The following GRIN2B variants were observed in gnomAD, a reference collection of about 807,000 sequenced individuals.
The protein encoded by GRIN2B is glutamate receptor ionotropic, NMDA 2B.
A neutral mutation model predicts 114.5 loss-of-function variants in GRIN2B; 5 were observed. That is an observed-to-expected ratio of 0.04 (90% CI 0.02 to 0.09). The LOEUF is 0.09. Among genes scored for constraint, GRIN2B ranks in the 10% least tolerant of loss-of-function variants. The probability of loss-of-function intolerance (pLI) is 1.00; values close to 1 mark genes in which losing one functional copy is unlikely to be tolerated. For missense variants in GRIN2B, 1,108 were observed against 1,943.5 expected, an observed-to-expected ratio of 0.57 and a Z score of 8.08; for synonymous variants, 787 against 745.1, an observed-to-expected ratio of 1.06 and a Z score of -0.92.
rs146832133 is a variant in GRIN2B, at chr12:13,850,242, A to G, written c.411+15556T>C. 1.2e-4 allele frequency among the ~76,000 whole-genome samples: 19 copies of G among 152,314 alleles called. No individual in the cohort carries two copies. In the East Asian group the frequency reaches 3.3e-3, roughly 26 times the overall value. Reference sequence around the variant, plus strand: ...GGAAAGGATACTCTCTTCCTTGTCAACTTCTCATCTACTGAGATGGAATCC... The same window carrying G: ...GGAAAGGATACTCTCTTCCTTGTCAGCTTCTCATCTACTGAGATGGAATCC... On this transcript the variant is annotated intron_variant, in intron 3 of 13. Coordinates refer to ENST00000609686, the MANE Select transcript of GRIN2B (RefSeq NM_000834.5).
At chr12:13,845,504 T>C (rs1249573982) in intron 3 of GRIN2B, among the ~76,000 whole-genome samples, 2 of 152,144 alleles carry the variant, frequency 1.3e-5, no homozygotes, top group Non-Finnish European at 2.9e-5. Context: ...AGAGGACTGG[T>C]ATTTTGTTGA....
chr12:13,571,647 C>T (rs762666219), intron 11 of GRIN2B, among the ~76,000 whole-genome samples, 157 bp downstream of exon 11: 9 of 152,248 alleles, frequency 5.9e-5, no homozygotes, highest in South Asian at 2.1e-4. Flanking sequence ...CTAAATGATA[C>T]GATCAAATTT....
At chr12:13,576,069 C>G (rs1271026437) in intron 10 of GRIN2B, among the ~76,000 whole-genome samples, 1 of 152,154 alleles carries the variant, frequency 6.6e-6, no homozygotes, top group Non-Finnish European at 1.5e-5. Flanking sequence ...GAGAACATTG[C>G]CTCAGAATTA....
chr12:13,629,258 T>C (rs1050914456), intron 5 of GRIN2B, among the ~76,000 whole-genome samples: 6 of 152,138 alleles, frequency 3.9e-5, no homozygotes, highest in African/African-American at 1.4e-4. Context: ...GTGAAGAAAA[T>C]AGTTTTTTGT....
At chr12:13,592,672 A>G (rs1168916014) in intron 10 of GRIN2B, among the ~76,000 whole-genome samples, 1 of 152,062 alleles carries the variant, frequency 6.6e-6, no homozygotes, top group African/African-American at 2.4e-5. Flanking sequence ...CCCATACTTC[A>G]TTTATCTATA....
At chr12:13,732,638 C>G (rs1198797821) in intron 4 of GRIN2B, among the ~76,000 whole-genome samples, 2 of 152,198 alleles carry the variant, frequency 1.3e-5, no homozygotes, top group Admixed American at 1.3e-4. Context: ...TGTATGGGGA[C>G]TTCACTTCTT....
intron 10 of GRIN2B, among the ~76,000 whole-genome samples, chr12:13,593,344 G>T (rs1177221288): frequency 2.0e-5 from 3 of 152,138 alleles, no homozygotes; most frequent in African/African-American, 7.2e-5. Flanking sequence ...TACCAAAACA[G>T]ATATATAGAC....
At chr12:13,681,985 G>T (rs1950135301) in intron 4 of GRIN2B, among the ~76,000 whole-genome samples, 1 of 152,056 alleles carries the variant, frequency 6.6e-6, no homozygotes, top group South Asian at 2.1e-4. Context: ...ATTTCCCAAA[G>T]GATTAGAAAT....
chr12:13,548,051 C>G lies in GRIN2B; in HGVS notation c.*14732G>C, dbSNP rs1948368564. 7.0e-6 allele frequency: 1 copy of G among 142,634 alleles called. No homozygotes were observed. Among genetic ancestry groups the G allele is most frequent in the Admixed American group, 7.4e-5 (1 of 13,552 alleles). 8.8% of individuals were successfully genotyped at this position (142,634 alleles called of 1,614,324 possible). A position where few individuals can be genotyped will look rare whatever the true frequency, so the allele number is the denominator to read the frequency against. On this transcript the variant is annotated 3_prime_UTR_variant, in exon 14 of 14. Transcript: ENST00000609686. ...TGTGAGCTGCCAAGGTGCCAATGAT[C>G]AAATAGAGAAGTCTAGCTTGGAAAT...
At chr12:13,816,306 G>A (rs965678830) in intron 3 of GRIN2B, among the ~76,000 whole-genome samples, 3 of 152,162 alleles carry the variant, frequency 2.0e-5, no homozygotes, top group Non-Finnish European at 4.4e-5. Flanking sequence ...AAAGTAGATG[G>A]TTATGGAAAT....
intron 2 of GRIN2B, among the ~76,000 whole-genome samples, chr12:13,967,550 A>T (rs1010290918): frequency 1.3e-5 from 2 of 152,264 alleles, no homozygotes; most frequent in African/African-American, 2.4e-5. Flanking sequence ...GAAAGCACTA[A>T]GCACAGAACC....
intron 13 of GRIN2B, 48 bp downstream of exon 13, chr12:13,566,977 G>A: frequency 7.7e-7 from 1 of 1,300,032 alleles, no homozygotes; most frequent in Non-Finnish European, 1.1e-6. Flanking sequence ...ACAGTGCTAG[G>A]CTAAGCTGTC....
At chr12:13,953,806 A>G (rs940495495) in intron 2 of GRIN2B, among the ~76,000 whole-genome samples, 5 of 152,198 alleles carry the variant, frequency 3.3e-5, no homozygotes, top group Non-Finnish European at 5.9e-5. Context: ...GGGGTTGCAC[A>G]TGGGGTTGGC....
rs2136398698 is a variant in GRIN2B, at chr12:13,560,636, G to C, written c.*2147C>G. On this transcript the variant is annotated 3_prime_UTR_variant, in exon 14 of 14. Transcript: ENST00000609686. ...CTCCTGGAGGTGCCTCATGCCCTCT[G>C]TCCTCTCTCAGTCTTTTCTGTTATC... The C allele has an allele frequency of 6.6e-6, 1 of 152,388 alleles. No individual in the cohort carries two copies. Among genetic ancestry groups the C allele is most frequent in the South Asian group, 2.1e-4 (1 of 4,824 alleles). 9.4% of individuals were successfully genotyped at this position (152,388 alleles called of 1,614,324 possible).
intron 4 of GRIN2B, among the ~76,000 whole-genome samples, chr12:13,699,106 T>A (rs558635746): frequency 6.6e-6 from 1 of 152,310 alleles, no homozygotes; most frequent in East Asian, 1.9e-4. Context: ...AAAGTAAGCA[T>A]GCATAAGGTT....
chr12:13,677,563 T>C (rs1283468622), intron 4 of GRIN2B, among the ~76,000 whole-genome samples: 1 of 152,118 alleles, frequency 6.6e-6, no homozygotes, highest in Non-Finnish European at 1.5e-5. Flanking sequence ...TTGAAAGAGA[T>C]TTTCACAATC....
In GRIN2B at chr12:13,562,891, C is replaced by A. The variant is rs769750472; in HGVS notation, c.4347G>T (p.Gly1449=). Residue 1449 remains glycine, a synonymous_variant, in exon 14 of 14, where the codon GGG becomes GGT. Coordinates refer to ENST00000609686, the MANE Select transcript of GRIN2B (RefSeq NM_000834.5). ...TAGGCACACAGGGGTTGGACTGGTT[C>A]CCTATACAGATGTCCTTCTGGAAAC... ...PARFQKDICI[G]NQSNPCVPNN... 3 of 1,614,172 alleles carry A rather than the reference C, an allele frequency of 1.9e-6. No homozygotes were observed. Among genetic ancestry groups the A allele is most frequent in the Non-Finnish European group, 2.5e-6 (3 of 1,180,004 alleles).
At chr12:13,906,831 AAT>A (rs1866544324) in intron 2 of GRIN2B, among the ~76,000 whole-genome samples, 1 of 152,226 alleles carries the variant, frequency 6.6e-6, no homozygotes, top group African/African-American at 2.4e-5. Context: ...TTTAGTATTT[AAT>A]ATAATGTAAT....
chr12:13,782,660 C>T (rs1487283252), intron 3 of GRIN2B, among the ~76,000 whole-genome samples: 3 of 152,210 alleles, frequency 2.0e-5, no homozygotes, highest in African/African-American at 7.2e-5. Flanking sequence ...GAGAATATAA[C>T]TCTCACTACT....
Sources: allele counts gnomAD v4.1 joint callset (sites outside exome capture counted in the v4.1 genomes callset), GRCh38; gene constraint gnomAD v4.1.1; transcripts MANE v1.5; gene names NCBI Gene and HGNC (gene_info 2026-07-23, HGNC 2026-07-21).